Variants in SLC9C2 observed in about 807,000 individuals in gnomAD.
SLC9C2 encodes sodium/hydrogen exchanger 11.
SLC9C2 carries 75 observed loss-of-function variants against 140.2 expected under a neutral mutation model. The ratio of observed to expected loss-of-function variants is 0.53; its 90% CI spans 0.44 to 0.65. SLC9C2 has a LOEUF of 0.65. Among genes scored for constraint, SLC9C2 ranks in the 30% least tolerant of loss-of-function variants. The probability of loss-of-function intolerance (pLI) is 0.00; values close to 1 mark genes in which losing one functional copy is unlikely to be tolerated. For missense variants in SLC9C2, 1,074 were observed against 1,331.8 expected (o/e 0.81, Z 3.01); for synonymous variants, 375 against 420.9 (o/e 0.89, Z 1.34).
intron 18 of SLC9C2, among the ~76,000 whole-genome samples, chr1:173,528,692 T>C (rs1255436229): frequency 6.6e-6 from 1 of 152,284 alleles, no homozygotes; most frequent in Non-Finnish European, 1.5e-5. Flanking sequence ...CCAGAAGACA[T>C]AACCTCTAGG....
chr1:173,556,835 T>C (rs1215421137), intron 10 of SLC9C2, among the ~76,000 whole-genome samples: 2 of 150,786 alleles, frequency 1.3e-5, no homozygotes, highest in Admixed American at 6.6e-5. Context: ...AGCTGAGGCA[T>C]GAGAATTGCT....
rs1666866968 is a variant in SLC9C2 at position 173,602,836 on chromosome 1, A to T, written c.-165T>A. The T allele has an allele frequency of 6.6e-6, 1 of 152,176 alleles. No individual in the cohort carries two copies. The highest frequency in any genetic ancestry group is 1.5e-5 in the Non-Finnish European group (1 of 68,044). 9.4% of individuals were successfully genotyped at this position (152,176 alleles called of 1,614,324 possible). A position where few individuals can be genotyped will look rare whatever the true frequency, so the allele number is the denominator to read the frequency against. On this transcript the variant is annotated 5_prime_UTR_variant, in exon 1 of 28. An upstream open reading frame in the 5' UTR loses its in-frame stop. Coordinates refer to ENST00000367714, the MANE Select transcript of SLC9C2 (RefSeq NM_178527.4). ...GGGCCAGAAAGAGATTCAAAATGCT[A>T]CATCTTCAAATCACTTCACCTGTCC... is the stretch of plus-strand genomic sequence containing the variant.
intron 23 of SLC9C2, among the ~76,000 whole-genome samples, chr1:173,511,877 C>G (rs1364192706): frequency 6.6e-6 from 1 of 152,164 alleles, no homozygotes; most frequent in African/African-American, 2.4e-5. Context: ...TATGGCTCAC[C>G]AGTTTTCCCA....
At chr1:173,547,872 C>T in intron 12 of SLC9C2, 88 bp from the exon 13 acceptor site, 2 of 882,790 alleles carry the variant, frequency 2.3e-6, no homozygotes, top group Admixed American at 2.4e-5. Context: ...ATACTACTCT[C>T]AACAAAGATT....
At chr1:173,582,083 G>T in intron 6 of SLC9C2, 75 bp from the exon 7 acceptor site, 1 of 1,207,268 alleles carries the variant, frequency 8.3e-7, no homozygotes. Context: ...ATGGCATTTG[G>T]GTCTTTGCAC....
chr1:173,504,557 C>G (rs1195112811), intron 26 of SLC9C2, among the ~76,000 whole-genome samples: 1 of 152,102 alleles, frequency 6.6e-6, no homozygotes, highest in Non-Finnish European at 1.5e-5. Flanking sequence ...TGGGATGGTG[C>G]AAGTTAGAGT....
rs1394557420 is a variant in SLC9C2 at position 173,583,631 on chromosome 1, G to T, written c.524-9C>A. 3.6e-6 allele frequency: 5 copies of T among 1,400,368 alleles called. No homozygotes were observed. The highest frequency in any genetic ancestry group is 3.9e-6 in the Non-Finnish European group (4 of 1,017,970). 86.7% of individuals were successfully genotyped at this position (1,400,368 alleles called of 1,614,324 possible). A position where few individuals can be genotyped will look rare whatever the true frequency, so the allele number is the denominator to read the frequency against. The stretch of plus-strand genomic sequence containing the variant: ...GTATATTTTAGAAATGCCTGAAAAA[G>T]GAAATACAAAATGTAACTCAATATG... On this transcript the variant is annotated splice_polypyrimidine_tract_variant and intron_variant, in intron 5 of 27. Transcript: ENST00000367714.
At chr1:173,523,089 C>T (rs1030171115) in intron 21 of SLC9C2, among the ~76,000 whole-genome samples, 8 of 152,096 alleles carry the variant, frequency 5.3e-5, no homozygotes, top group Non-Finnish European at 8.8e-5. Context: ...GCAGGGACTT[C>T]TGCCAGGCAC....
At chr1:173,547,006 A>AT (rs1662898911) in intron 13 of SLC9C2, among the ~76,000 whole-genome samples, 1 of 152,114 alleles carries the variant, frequency 6.6e-6, no homozygotes, top group Non-Finnish European at 1.5e-5. Context: ...GTACATGAGG[A>AT]TTTATTACAC....
intron 20 of SLC9C2, 58 bp from the exon 21 acceptor site, chr1:173,524,152 AG>A: frequency 2.0e-6 from 3 of 1,469,744 alleles, no homozygotes; most frequent in Non-Finnish European, 2.8e-6. Flanking sequence ...AATGGACACT[AG>A]GGAAAAACTA....
At chr1:173,512,507 C>T (rs1286131151) in intron 23 of SLC9C2, among the ~76,000 whole-genome samples, 1 of 152,110 alleles carries the variant, frequency 6.6e-6, no homozygotes, top group African/African-American at 2.4e-5. Context: ...GATTTTGTAT[C>T]CTGAGACTTT....
At chr1:173,535,046 T>C (rs1331523965) in intron 15 of SLC9C2, among the ~76,000 whole-genome samples, 1 of 152,056 alleles carries the variant, frequency 6.6e-6, no homozygotes, top group Non-Finnish European at 1.5e-5. Context: ...ATTAAATAAT[T>C]ACTATGACAT....
intron 23 of SLC9C2, among the ~76,000 whole-genome samples, chr1:173,513,756 T>G (rs149688627): frequency 2.0e-5 from 3 of 152,214 alleles, no homozygotes; most frequent in Non-Finnish European, 2.9e-5. Context: ...GGGTGTTGAT[T>G]TGAGATCTTT....
Position 173,581,990 on chromosome 1 carries a change from T to A in SLC9C2, c.659A>T (p.Glu220Val). The A allele has an allele frequency of 6.4e-7, 1 of 1,567,086 alleles. No individual in the cohort carries two copies. The highest frequency in any genetic ancestry group is 8.7e-7 in the Non-Finnish European group (1 of 1,154,044). Residue 220 changes from glutamate to valine, a missense_variant, in exon 7 of 28, where the codon GAA becomes GTA. Coordinates refer to ENST00000367714, the MANE Select transcript of SLC9C2 (RefSeq NM_178527.4). ...GCTTCCCAAAATGTCATAGCTGAGT[T>A]CAATGCCTACATGTAAATCTAAAAA... Reference protein sequence around the residue: ...SIFRDLHVGIELSYDILGSII... With the variant: ...SIFRDLHVGIVLSYDILGSII...
At chr1:173,566,360 T>G (rs969323145) in intron 9 of SLC9C2, among the ~76,000 whole-genome samples, 1 of 152,136 alleles carries the variant, frequency 6.6e-6, no homozygotes, top group African/African-American at 2.4e-5. Flanking sequence ...ATCTCATTAC[T>G]TGTTATTGGT....
intron 13 of SLC9C2, among the ~76,000 whole-genome samples, chr1:173,539,487 A>G (rs968336713): frequency 5.9e-5 from 9 of 152,222 alleles, no homozygotes; most frequent in African/African-American, 1.9e-4. Flanking sequence ...GGAATATAAC[A>G]GTAGGCTTGG....
chr1:173,533,836 A>T, intron 16 of SLC9C2, 39 bp from the exon 17 acceptor site: 1 of 1,520,050 alleles, frequency 6.6e-7, no homozygotes, highest in African/African-American at 1.4e-5. Flanking sequence ...GCACCTATAC[A>T]GTAATGTTGG....
chr1:173,513,015 G>A (rs1379178989), intron 23 of SLC9C2, among the ~76,000 whole-genome samples: 2 of 152,230 alleles, frequency 1.3e-5, no homozygotes, highest in African/African-American at 4.8e-5. Context: ...GATTGTGGTG[G>A]ATAAGCTTTT....
chr1:173,553,329 T>G (rs766117686), intron 11 of SLC9C2, among the ~76,000 whole-genome samples: 2 of 152,254 alleles, frequency 1.3e-5, no homozygotes, highest in Non-Finnish European at 2.9e-5. Flanking sequence ...GCTAAAGTAG[T>G]GGCAACAGGT....
Sources: gnomAD v4.1 joint callset for allele counts (sites outside exome capture counted in the v4.1 genomes callset) on GRCh38, gnomAD v4.1.1 for gene constraint, MANE v1.5 for transcripts, NCBI Gene and HGNC (gene_info 2026-07-23, HGNC 2026-07-21) for gene names.